The following GLIPR1L2 variants were observed in gnomAD, a reference collection of about 807,000 sequenced individuals.
GLIPR1L2 encodes the protein GLIPR1-like protein 2.
Under a neutral mutation model 28.4 loss-of-function variants are expected in GLIPR1L2, and 21 were observed. That is an observed-to-expected ratio of 0.74 (90% CI 0.52 to 1.06). The LOEUF is 1.06. Among genes scored for constraint, GLIPR1L2 ranks in the 50% least tolerant of loss-of-function variants. The probability of loss-of-function intolerance (pLI) is 0.00; values close to 1 mark genes in which losing one functional copy is unlikely to be tolerated. For missense variants in GLIPR1L2, 476 were observed against 416.9 expected, an observed-to-expected ratio of 1.14 and a Z score of -1.23; for synonymous variants, 145 against 139.3, an observed-to-expected ratio of 1.04 and a Z score of -0.29.
chr12:75,414,544 C>T (rs1289361688), intron 3 of GLIPR1L2, among the ~76,000 whole-genome samples: 1 of 152,004 alleles, frequency 6.6e-6, no homozygotes, highest in Non-Finnish European at 1.5e-5. Context: ...CTATGCTGTG[C>T]ATCAAATTAA....
chr12:75,413,441 C>G (rs2045891645), intron 2 of GLIPR1L2, among the ~76,000 whole-genome samples, 157 bp from the exon 3 acceptor site: 1 of 151,802 alleles, frequency 6.6e-6, no homozygotes, highest in South Asian at 2.1e-4. Flanking sequence ...TGCCCGAACT[C>G]CTTGGTAACT....
rs375521895 is a variant in GLIPR1L2 at position 75,426,878 on chromosome 12, T to C, written c.671-3837T>C. Among the ~76,000 whole-genome samples, 48 of 152,318 alleles carry C rather than the reference T, an allele frequency of 3.2e-4. 3 individuals carry two copies. The South Asian group carries it at 9.9e-3, about 32-fold the overall frequency. ...TGTTTTGGGAGCATGCAGTTACATT[T>C]GGTGTATAGTTCTCATGAGCACTTC... is the stretch of plus-strand genomic sequence containing the variant. On this transcript the variant is annotated intron_variant, in intron 4 of 5. Coordinates refer to ENST00000550916, the MANE Select transcript of GLIPR1L2 (RefSeq NM_001270396.2).
intron 1 of GLIPR1L2, among the ~76,000 whole-genome samples, chr12:75,398,326 C>G (rs2045703131): frequency 2.0e-5 from 1 of 50,488 alleles, no homozygotes; most frequent in Non-Finnish European, 3.4e-5. Flanking sequence ...GAGACTCCAT[C>G]TCAAAAAAAA....
intron 1 of GLIPR1L2, among the ~76,000 whole-genome samples, chr12:75,408,869 A>G (rs897079661): frequency 6.6e-6 from 1 of 151,978 alleles, no homozygotes; most frequent in African/African-American, 2.4e-5. Flanking sequence ...GTAGATACAG[A>G]GATAGAGAGA....
chr12:75,413,751 G>C (rs777269956), intron 3 of GLIPR1L2, 50 bp downstream of exon 3: 5 of 909,374 alleles, frequency 5.5e-6, no homozygotes, highest in Middle Eastern at 3.6e-4. Flanking sequence ...AATATTTCAA[G>C]GTGAGTTTTT....
chr12:75,398,982 C>T lies in GLIPR1L2; in HGVS notation c.234+7632C>T, dbSNP rs140921202. 3.3e-5 allele frequency among the ~76,000 whole-genome samples: 5 copies of T among 152,264 alleles called. No homozygotes were observed. The East Asian group carries it at 9.6e-4, about 29-fold the overall frequency. ...ATGTTACTTGGTTTTTCATTCAAAA[C>T]TATACATTTGAGATTTATTTGTTGA... On this transcript the variant is annotated intron_variant, in intron 1 of 5. Coordinates refer to ENST00000550916, the MANE Select transcript of GLIPR1L2 (RefSeq NM_001270396.2).
At position 75,430,758 on chromosome 12, in the gene GLIPR1L2, T is replaced by C; in HGVS notation, c.697+17T>C. 6.5e-7 allele frequency: 1 copy of C among 1,534,714 alleles called. No homozygotes were observed. The highest frequency in any genetic ancestry group is 1.2e-5 in the South Asian group (1 of 83,636). The stretch of plus-strand genomic sequence containing the variant: ...AAGCCACATGTATGTATTGTTGTCC[T>C]TTATTTCTTGAACAATTGAACTGCT... On this transcript the variant is annotated intron_variant, in intron 5 of 5. Transcript: ENST00000550916.
At chr12:75,427,157 A>G (rs74108788) in intron 4 of GLIPR1L2, among the ~76,000 whole-genome samples, 2,827 of 152,318 alleles carry the variant, frequency 0.019, 74 homozygotes, top group African/African-American at 0.064. Flanking sequence ...GGCCAAAGAT[A>G]CTAAATAGAA....
chr12:75,402,580 T>C (rs753622147), intron 1 of GLIPR1L2, among the ~76,000 whole-genome samples: 3 of 152,202 alleles, frequency 2.0e-5, no homozygotes, highest in Non-Finnish European at 4.4e-5. Flanking sequence ...TACAACTCAT[T>C]ACTTAAATTT....
At chr12:75,406,613 C>T (rs1345941715) in intron 1 of GLIPR1L2, among the ~76,000 whole-genome samples, 2 of 151,814 alleles carry the variant, frequency 1.3e-5, no homozygotes, top group Admixed American at 1.3e-4. Context: ...AAAGAATTAG[C>T]TGGGTGCGGT....
At position 75,413,637 on chromosome 12, in the gene GLIPR1L2, A is replaced by C; in HGVS notation, c.520A>C (p.Thr174Pro). Residue 174 changes from threonine to proline, a missense_variant, in exon 3 of 6, where the codon ACT becomes CCT. Physicochemically the swap from Thr to Pro is conservative, Grantham distance 38. Coordinates refer to ENST00000550916, the MANE Select transcript of GLIPR1L2 (RefSeq NM_001270396.2). Reference protein sequence around the residue: ...DHSYKVGCAVTPCSKIGHIIH... With the variant: ...DHSYKVGCAVPPCSKIGHIIH... ...CTCTTACAAAGTTGGTTGTGCTGTT[A>C]CTCCATGTTCAAAAATTGGACATAT... 2 of 1,567,954 alleles carry C rather than the reference A, an allele frequency of 1.3e-6. No homozygotes were observed. Among genetic ancestry groups the C allele is most frequent in the Non-Finnish European group, 8.6e-7 (1 of 1,161,190 alleles).
At chr12:75,412,456 G>A (rs1403343587) in intron 2 of GLIPR1L2, among the ~76,000 whole-genome samples, 1 of 151,898 alleles carries the variant, frequency 6.6e-6, no homozygotes, top group East Asian at 1.9e-4. Context: ...CTGACAAAGG[G>A]CTAATATCCA....
At chr12:75,403,471 C>T (rs1433791566) in intron 1 of GLIPR1L2, among the ~76,000 whole-genome samples, 2 of 152,244 alleles carry the variant, frequency 1.3e-5, no homozygotes, top group Admixed American at 1.3e-4. Context: ...CTGCTTCTCT[C>T]CTGGGAGCTT....
At chr12:75,427,575 T>A (rs892480392) in intron 4 of GLIPR1L2, among the ~76,000 whole-genome samples, 3 of 152,208 alleles carry the variant, frequency 2.0e-5, no homozygotes, top group African/African-American at 7.2e-5. Context: ...ACGTGAGAAC[T>A]CATTTATCCT....
At chr12:75,399,678 C>T (rs1165177767) in intron 1 of GLIPR1L2, among the ~76,000 whole-genome samples, 1 of 152,032 alleles carries the variant, frequency 6.6e-6, no homozygotes, top group Non-Finnish European at 1.5e-5. Context: ...CCCAGTTTGT[C>T]AGTTTTTTAA....
chr12:75,404,127 T>G (rs1009926435), intron 1 of GLIPR1L2, among the ~76,000 whole-genome samples: 1 of 152,162 alleles, frequency 6.6e-6, no homozygotes, highest in African/African-American at 2.4e-5. Flanking sequence ...TATAAATCAG[T>G]GAGTTTTCTA....
chr12:75,423,225 G>A, intron 4 of GLIPR1L2: 3 of 1,349,426 alleles, frequency 2.2e-6, no homozygotes, highest in Non-Finnish European at 2.8e-6. Context: ...CAGAGTGTCA[G>A]AAAGAAAGAA....
chr12:75,403,383 G>A, intron 1 of GLIPR1L2, among the ~76,000 whole-genome samples: 1 of 151,976 alleles, frequency 6.6e-6, no homozygotes, highest in Non-Finnish European at 1.5e-5. Context: ...TGTTTTGTGG[G>A]GAGATTCACT....
rs573192019 is a variant in GLIPR1L2, at chr12:75,422,834, A to T, written c.585-70A>T. ...TTAACCTGATTAAAAATTAGTAACT[A>T]TATTATTTAAATTACATGTAAAAAT... On this transcript the variant is annotated intron_variant, in intron 3 of 5. Transcript: ENST00000550916. 105 of 1,270,970 alleles carry T rather than the reference A, an allele frequency of 8.3e-5. No individual in the cohort carries two copies. The African/African-American group carries it at 1.5e-3, about 19-fold the overall frequency. 78.7% of individuals were successfully genotyped at this position (1,270,970 alleles called of 1,614,324 possible).
Sources: gnomAD v4.1 joint callset for allele counts (sites outside exome capture counted in the v4.1 genomes callset) on GRCh38, gnomAD v4.1.1 for gene constraint, MANE v1.5 for transcripts, NCBI Gene and HGNC (gene_info 2026-07-23, HGNC 2026-07-21) for gene names.